GLIS3: variants seen among roughly 807,000 people sequenced by gnomAD.
GLIS3 encodes the protein GLIS family zinc finger 3, also known as zinc finger protein GLIS3.
Under a neutral mutation model 78.6 loss-of-function variants are expected in GLIS3, and 53 were observed. The observed-to-expected ratio is 0.67, with a 90% CI of 0.54 to 0.85. The LOEUF (loss-of-function observed/expected upper bound fraction) is 0.85, where lower values mean the gene tolerates loss of function less well. Ranked by LOEUF, GLIS3 falls within the 40% of genes least tolerant of loss-of-function variation. GLIS3 has a pLI of 0.00. For synonymous variants in GLIS3, 684 were observed against 509.9 expected (o/e 1.34, Z -4.60); for missense variants, 1,703 against 1,231.1 (o/e 1.38, Z -5.74).
intron 9 of GLIS3, among the ~76,000 whole-genome samples, chr9:3,838,750 G>GAAAA (rs397751633): frequency 2.0e-5 from 3 of 151,344 alleles, no homozygotes; most frequent in Admixed American, 1.3e-4. Flanking sequence ...GAAAGGAAAA[G>GAAAA]GGACAGAGGA....
chr9:4,464,809 T>A, the GLIS3 span, among the ~76,000 whole-genome samples: 3 of 152,218 alleles, frequency 2.0e-5, no homozygotes, highest in Admixed American at 2.0e-4. Context: ...AAAGGTTGTA[T>A]GCAGAATATT....
chr9:4,135,542 C>T (rs1833342205), intron 2 of GLIS3, among the ~76,000 whole-genome samples: 1 of 152,086 alleles, frequency 6.6e-6, no homozygotes, highest in Admixed American at 6.6e-5. Context: ...TTACTCTAAA[C>T]TCTTACTGCT....
chr9:4,123,235 T>A (rs752118739), intron 3 of GLIS3, among the ~76,000 whole-genome samples: 6 of 152,094 alleles, frequency 3.9e-5, no homozygotes, highest in Non-Finnish European at 7.4e-5. Flanking sequence ...ACTGGCAAAG[T>A]TTCTAAACTA....
chr9:3,932,011 T>C (rs2130777114), intron 6 of GLIS3, among the ~76,000 whole-genome samples: 1 of 152,352 alleles, frequency 6.6e-6, no homozygotes, highest in East Asian at 1.9e-4. Flanking sequence ...AATTTAATTA[T>C]CTTTAGCTAT....
the GLIS3 span, among the ~76,000 whole-genome samples, chr9:4,398,023 T>C: frequency 1.3e-5 from 2 of 152,086 alleles, no homozygotes; most frequent in African/African-American, 2.4e-5. Context: ...CTCATTCTGA[T>C]GCAGAGACAA....
intron 2 of GLIS3, among the ~76,000 whole-genome samples, chr9:4,175,393 T>C (rs1385713430): frequency 6.6e-6 from 1 of 152,208 alleles, no homozygotes; most frequent in Non-Finnish European, 1.5e-5. Flanking sequence ...AAATGTCTCC[T>C]TCTCCACAGT....
At chr9:4,366,033 T>C in the GLIS3 span, among the ~76,000 whole-genome samples, 4 of 152,306 alleles carry the variant, frequency 2.6e-5, no homozygotes, top group East Asian at 5.8e-4. Context: ...GGAAAGGCCG[T>C]TGAAAATGCT....
At chr9:4,116,919 G>C (rs1034229640) in intron 4 of GLIS3, among the ~76,000 whole-genome samples, 1 of 152,128 alleles carries the variant, frequency 6.6e-6, no homozygotes, top group African/African-American at 2.4e-5. Context: ...TGATCCCAAG[G>C]GTGATGCCCT....
chr9:4,319,361 T>C (rs1353054717), intron 2 of GLIS3, among the ~76,000 whole-genome samples: 2 of 152,128 alleles, frequency 1.3e-5, no homozygotes, highest in Non-Finnish European at 2.9e-5. Flanking sequence ...AGAACTCAAA[T>C]GTGGCAAAAT....
chr9:3,845,849 G>C (rs1819005609), intron 9 of GLIS3, among the ~76,000 whole-genome samples: 1 of 152,178 alleles, frequency 6.6e-6, no homozygotes, highest in African/African-American at 2.4e-5. Context: ...CTTAATAGCA[G>C]CATTGCAGAA....
intron 1 of GLIS3, among the ~76,000 whole-genome samples, chr9:4,289,380 T>C (rs1475845733): frequency 1.3e-5 from 2 of 152,144 alleles, no homozygotes; most frequent in African/African-American, 4.8e-5. Context: ...CAAAAAATAA[T>C]AGCATTCTCT....
intron 4 of GLIS3, among the ~76,000 whole-genome samples, chr9:3,990,737 T>C (rs901074987): frequency 6.6e-6 from 1 of 152,228 alleles, no homozygotes; most frequent in Non-Finnish European, 1.5e-5. Context: ...TGTGCAGTCA[T>C]AACATTGGAA....
the GLIS3 span, among the ~76,000 whole-genome samples, chr9:4,483,600 A>G: frequency 6.6e-6 from 1 of 152,004 alleles, no homozygotes; most frequent in Non-Finnish European, 1.5e-5. Flanking sequence ...CACGCCTGTA[A>G]TCCCAACTAC....
At chr9:4,209,239 G>C (rs76574256) in intron 2 of GLIS3, among the ~76,000 whole-genome samples, 3 of 152,064 alleles carry the variant, frequency 2.0e-5, no homozygotes, top group African/African-American at 4.8e-5. Context: ...AGTTCATCTA[G>C]AACCCACACA....
chr9:3,994,289 T>C (rs779554842), intron 4 of GLIS3, among the ~76,000 whole-genome samples: 5 of 152,330 alleles, frequency 3.3e-5, no homozygotes, highest in East Asian at 3.9e-4. Flanking sequence ...GCCACTTCAA[T>C]TGCCATTTCA....
intron 4 of GLIS3, among the ~76,000 whole-genome samples, chr9:4,004,153 G>A (rs998033317): frequency 6.6e-6 from 1 of 152,160 alleles, no homozygotes; most frequent in African/African-American, 2.4e-5. Context: ...ATATGTTAAA[G>A]GTTACGAAAA....
chr9:3,846,600 G>C (rs1319647216), intron 9 of GLIS3, among the ~76,000 whole-genome samples: 2 of 152,186 alleles, frequency 1.3e-5, no homozygotes, highest in African/African-American at 4.8e-5. Flanking sequence ...ATTCCAGTTA[G>C]TAACTGCCAT....
chr9:3,977,980 C>T lies in GLIS3; in HGVS notation c.1711-40791G>A, dbSNP rs1272315290. On this transcript the variant is annotated intron_variant, in intron 4 of 10. Coordinates refer to ENST00000381971, the MANE Select transcript of GLIS3 (RefSeq NM_001042413.2). The surrounding 1 kb of genome is among the most constrained non-coding windows in gnomAD (Gnocchi z 4.1). The stretch of plus-strand genomic sequence containing the variant: ...GCCAGTTGACACCGCTGGGTGCACC[C>T]TCCGCTGCTCCAAACCTGAGAGACA... 1.3e-5 allele frequency among the ~76,000 whole-genome samples: 2 copies of T among 152,202 alleles called. No homozygotes were observed. Among genetic ancestry groups the T allele is most frequent in the Admixed American group, 6.5e-5 (1 of 15,278 alleles).
intron 4 of GLIS3, among the ~76,000 whole-genome samples, chr9:4,114,577 A>G (rs1415831638): frequency 1.3e-5 from 2 of 152,202 alleles, no homozygotes; most frequent in Non-Finnish European, 2.9e-5. Flanking sequence ...CAGAAGGTCA[A>G]AATAAAGAGA....
Sources: allele counts gnomAD v4.1 joint callset (sites outside exome capture counted in the v4.1 genomes callset), GRCh38; gene constraint gnomAD v4.1.1; non-coding constraint Gnocchi (gnomAD v3.1); transcripts MANE v1.5; gene names NCBI Gene and HGNC (gene_info 2026-07-23, HGNC 2026-07-21).